The following ISOC2 variants were observed in gnomAD, a reference collection of about 807,000 sequenced individuals.
The protein encoded by ISOC2 is isochorismatase domain-containing protein 2.
A neutral mutation model predicts 19.3 loss-of-function variants in ISOC2; 15 were observed. That is an observed-to-expected ratio of 0.78 (90% confidence interval 0.52 to 1.20). The LOEUF (loss-of-function observed/expected upper bound fraction) is 1.20. ISOC2 is among the 50% of genes most tolerant of loss of function. The probability of loss-of-function intolerance (pLI) is 0.00; values close to 1 mark genes in which losing one functional copy is unlikely to be tolerated. For missense variants in ISOC2, 285 were observed against 272.4 expected (o/e 1.05, Z -0.33); for synonymous variants, 106 against 115.8 (o/e 0.92, Z 0.54).
intron 1 of ISOC2, among the ~76,000 whole-genome samples, chr19:55,461,242 T>C (rs115325241): frequency 0.012 from 1,812 of 152,244 alleles, 37 homozygotes; most frequent in African/African-American, 0.04. Flanking sequence ...CTGTGTGACC[T>C]TGGGCAAGTT....
At chr19:55,456,253 G>A in intron 2 of ISOC2, 96 bp downstream of exon 2, 1 of 610,840 alleles carries the variant, frequency 1.6e-6, no homozygotes. Context: ...CCTGGATCCT[G>A]GGTCTGAGGG....
chr19:55,453,052 T>G lies in ISOC2; in HGVS notation c.*256A>C, dbSNP rs1985911445. 2.3e-6 allele frequency: 1 copy of G among 427,766 alleles called. No homozygotes were observed. The allele number at this position is 427,766 out of a possible 1,614,324, so 26.5% of individuals were successfully genotyped here. On this transcript the variant is annotated 3_prime_UTR_variant, in exon 6 of 6. Transcript: ENST00000425675. Reference sequence around the variant, plus strand: ...GTCTGAGACTCTTCTTCCCCTCCCCTTCCCGCCCCGTGAAGTGGCCCGGGG... The same window carrying G: ...GTCTGAGACTCTTCTTCCCCTCCCCGTCCCGCCCCGTGAAGTGGCCCGGGG...
chr19:55,456,370 T>C lies in ISOC2; in HGVS notation c.117A>G (p.Ser39=), dbSNP rs145477695. 5.6e-6 allele frequency: 9 copies of C among 1,613,696 alleles called. No individual in the cohort carries two copies. The highest frequency in any genetic ancestry group is 7.6e-6 in the Non-Finnish European group (9 of 1,179,826). ...HNIAYFPQIV[S]VAARMLKVAR... is the part of the protein sequence containing the mutation. ...ATACCTTGAGCATGCGGGCAGCCACTGAGACGATCTGTGGGAAGTAGGCGA... is the reference window on the plus strand; with the variant it reads ...ATACCTTGAGCATGCGGGCAGCCACCGAGACGATCTGTGGGAAGTAGGCGA... Residue 39 remains serine, a synonymous_variant, in exon 2 of 6, where the codon TCA becomes TCG. Transcript: ENST00000425675.
rs752870073 is a variant in ISOC2, at chr19:55,456,528, G to A, written c.-3-39C>T. 9.3e-6 allele frequency: 15 copies of A among 1,606,408 alleles called. No individual in the cohort carries two copies. In the Admixed American group the frequency reaches 2.5e-4, roughly 27 times the overall value. Reference sequence around the variant, plus strand: ...GAGGGACGGTGGGTCAGGCCCGAGGGCTCCTCTCAGTGTCTCCAGCTGGCG... The same window carrying A: ...GAGGGACGGTGGGTCAGGCCCGAGGACTCCTCTCAGTGTCTCCAGCTGGCG... On this transcript the variant is annotated intron_variant, in intron 1 of 5. Coordinates refer to ENST00000425675, the MANE Select transcript of ISOC2 (RefSeq NM_001136201.2).
Position 55,455,047 on chromosome 19 carries a change from G to C in ISOC2, c.479C>G (p.Thr160Ser). The C allele has an allele frequency of 6.2e-7, 1 of 1,613,516 alleles. No homozygotes were observed. The highest frequency in any genetic ancestry group is 8.5e-7 in the Non-Finnish European group (1 of 1,180,000). The change falls in exon 5 of 6, where the codon ACC becomes AGC. Residue 160 changes from threonine to serine, a missense_variant. By Grantham distance (58) the Thr-to-Ser change is moderately conservative. Coordinates refer to ENST00000425675, the MANE Select transcript of ISOC2 (RefSeq NM_001136201.2). Reference protein sequence around the residue: ...RMRQSGAFLSTSEGLILQLVG... With the variant: ...RMRQSGAFLSSSEGLILQLVG... ...AAGCTGCAGAATGAGCCCTTCGCTG[G>C]TGGAGAGGAAGGCACCACTCTGTCT...
intron 1 of ISOC2, chr19:55,459,733 ACT>A (rs1433486184): frequency 2.0e-5 from 3 of 151,660 alleles, no homozygotes; most frequent in Non-Finnish European, 4.4e-5. Context: ...TCATGTGCTA[ACT>A]CTTCCTCCCC....
In ISOC2 at chr19:55,453,082, G is replaced by C. The variant is rs1985913584; in HGVS notation, c.*226C>G. The C allele has an allele frequency of 2.0e-6, 1 of 494,144 alleles. No individual in the cohort carries two copies. The highest frequency in any genetic ancestry group is 2.0e-5 in the African/African-American group (1 of 50,186). The allele number at this position is 494,144 out of a possible 1,614,324, so 30.6% of individuals were successfully genotyped here. ...GCCCCGTGAAGTGGCCCGGGGCCGA[G>C]CCCCGCCTCCATCTTGGCTCAGCCA... On this transcript the variant is annotated 3_prime_UTR_variant, in exon 6 of 6. Coordinates refer to ENST00000425675, the MANE Select transcript of ISOC2 (RefSeq NM_001136201.2).
At chr19:55,454,884 C>A in intron 5 of ISOC2, 105 bp downstream of exon 5, 1 of 833,348 alleles carries the variant, frequency 1.2e-6, no homozygotes. Flanking sequence ...GAACCTGGCT[C>A]CCCCTGGAGG....
In ISOC2 at chr19:55,453,396, G is replaced by A. The variant is rs1214469032; in HGVS notation, c.538-8C>T. On this transcript the variant is annotated splice_region_variant and splice_polypyrimidine_tract_variant and intron_variant, in intron 5 of 5. Coordinates refer to ENST00000425675, the MANE Select transcript of ISOC2 (RefSeq NM_001136201.2). ...CTTGATGAGTTTCTGGATCTGTAAGGGCAGGGGGCGATGGGTCAGGAAGCG... is the reference window on the plus strand; with the variant it reads ...CTTGATGAGTTTCTGGATCTGTAAGAGCAGGGGGCGATGGGTCAGGAAGCG... 3 of 1,592,098 alleles carry A rather than the reference G, an allele frequency of 1.9e-6. No homozygotes were observed. The highest frequency in any genetic ancestry group is 1.1e-5 in the South Asian group (1 of 87,878).
rs758861329 is a variant in ISOC2 at position 55,453,347 on chromosome 19, C to A, written c.579G>T (p.Leu193=). The change falls in exon 6 of 6, where the codon CTG becomes CTT. Residue 193 remains leucine, a synonymous_variant. Transcript: ENST00000425675. ...LIKEPAPDSG[L]LGLFQGQNSL... is the part of the protein sequence containing the mutation. ...AGTTCTGGCCTTGGAAGAGGCCCAG[C>A]AGTCCGCTGTCTGGGGCGGGCTCCT... is the stretch of plus-strand genomic sequence containing the variant. The A allele has an allele frequency of 6.2e-7, 1 of 1,608,170 alleles. No homozygotes were observed. The highest frequency in any genetic ancestry group is 1.7e-5 in the Admixed American group (1 of 58,866).
chr19:55,461,345 C>T (rs1023630174), intron 1 of ISOC2, among the ~76,000 whole-genome samples, 167 bp downstream of exon 1: 1 of 152,166 alleles, frequency 6.6e-6, no homozygotes, highest in Non-Finnish European at 1.5e-5. Context: ...AGGCGCGACC[C>T]GGGGACGCTT....
chr19:55,461,454 C>T (rs1986236191), intron 1 of ISOC2, 58 bp downstream of exon 1: 2 of 152,316 alleles, frequency 1.3e-5, no homozygotes, highest in Admixed American at 6.5e-5. Context: ...TCAGTTTCCC[C>T]ATCTGCTAGG....
At position 55,456,341 on chromosome 19, in the gene ISOC2, G is replaced by A. The variant is rs1203358444; in HGVS notation, c.138+8C>T. The A allele has an allele frequency of 1.2e-6, 2 of 1,613,474 alleles. No individual in the cohort carries two copies. Among genetic ancestry groups the A allele is most frequent in the African/African-American group, 2.7e-5 (2 of 74,880 alleles). On this transcript the variant is annotated splice_region_variant and intron_variant, in intron 2 of 5. Coordinates refer to ENST00000425675, the MANE Select transcript of ISOC2 (RefSeq NM_001136201.2). ...CCTGGGTCTGAGGGTGGGGGGCTGA[G>A]GTCATACCTTGAGCATGCGGGCAGC...
chr19:55,459,568 C>T (rs967147710), intron 1 of ISOC2: 5 of 152,230 alleles, frequency 3.3e-5, no homozygotes, highest in Admixed American at 2.6e-4. Flanking sequence ...CCCTGACCCC[C>T]GTGGATTCTC....
At chr19:55,460,834 A>G (rs1410584459) in intron 1 of ISOC2, among the ~76,000 whole-genome samples, 1 of 152,250 alleles carries the variant, frequency 6.6e-6, no homozygotes, top group Non-Finnish European at 1.5e-5. Flanking sequence ...AAAAGGCCAG[A>G]GAGCAGGAGG....
intron 1 of ISOC2, 64 bp from the exon 2 acceptor site, chr19:55,456,553 G>A (rs1291288518): frequency 2.5e-5 from 40 of 1,584,604 alleles, no homozygotes; most frequent in South Asian, 6.8e-5. Flanking sequence ...TCCAGCTGGC[G>A]TCCAGGTCCT....
Position 55,454,669 on chromosome 19 carries a change from G to A in ISOC2, c.537+320C>T, listed in dbSNP as rs548925036. On this transcript the variant is annotated intron_variant, in intron 5 of 5. Transcript: ENST00000425675. ...GCTGACCTGTTCTTCCCCAGTGTCC[G>A]CCTGGTCACTCCCTCCTTCAGTTCA... is the stretch of plus-strand genomic sequence containing the variant. The A allele has an allele frequency of 8.2e-5, 30 of 367,100 alleles. No individual in the cohort carries two copies. The East Asian group carries it at 1.2e-3, about 15-fold the overall frequency. The allele number at this position is 367,100 out of a possible 1,614,324, so 22.7% of individuals were successfully genotyped here.
intron 1 of ISOC2, among the ~76,000 whole-genome samples, chr19:55,458,521 T>C (rs944515833): frequency 1.3e-5 from 2 of 151,428 alleles, no homozygotes; most frequent in Non-Finnish European, 2.9e-5. Context: ...AAGAAGCTGC[T>C]ATTTTCTTTT....
chr19:55,456,877 G>C (rs1986078613), intron 1 of ISOC2, among the ~76,000 whole-genome samples: 1 of 152,126 alleles, frequency 6.6e-6, no homozygotes. Flanking sequence ...ATCAGCCTCA[G>C]TTACCATCTG....
Sources: gnomAD v4.1 joint callset for allele counts (sites outside exome capture counted in the v4.1 genomes callset) on GRCh38, gnomAD v4.1.1 for gene constraint, MANE v1.5 for transcripts, NCBI Gene and HGNC (gene_info 2026-07-23, HGNC 2026-07-21) for gene names.